The following KLHL8 variants were observed in gnomAD, a reference collection of about 807,000 sequenced individuals.
KLHL8 encodes kelch like family member 8, also known as kelch-like protein 8.
In KLHL8, 38 loss-of-function variants were observed where a neutral mutation model predicts 63.5. That is an observed-to-expected ratio of 0.60 (90% CI 0.46 to 0.78). The LOEUF (loss-of-function observed/expected upper bound fraction) is 0.78, where lower values mean the gene tolerates loss of function less well. KLHL8 is among the 30% of genes least tolerant of loss of function. The pLI, the probability that KLHL8 is intolerant of heterozygous loss-of-function variation, is 0.00. For missense variants in KLHL8, 566 were observed against 752.4 expected (o/e 0.75, Z 2.90); for synonymous variants, 224 against 254.3 (o/e 0.88, Z 1.13).
At chr4:87,214,175 A>G (rs978186468) in intron 1 of KLHL8, among the ~76,000 whole-genome samples, 4 of 151,154 alleles carry the variant, frequency 2.6e-5, no homozygotes, top group African/African-American at 9.7e-5. Context: ...ATTATTAGGA[A>G]CCCACTATAG....
intron 1 of KLHL8, among the ~76,000 whole-genome samples, chr4:87,214,460 A>ATATATATATATATATATAT (rs1732523462): frequency 7.9e-5 from 10 of 126,070 alleles, no homozygotes; most frequent in South Asian, 2.6e-4. Context: ...ATATATATAT[A>ATATATATATATATATATAT]ATTGTCATCA....
rs1730172292 is a variant in KLHL8, at chr4:87,161,521, C to G, written c.*1998G>C. 6.6e-6 allele frequency: 1 copy of G among 152,110 alleles called. No individual in the cohort carries two copies. The highest frequency in any genetic ancestry group is 1.5e-5 in the Non-Finnish European group (1 of 68,020). The allele number at this position is 152,110 out of a possible 1,614,324, so 9.4% of individuals were successfully genotyped here. A position where few individuals can be genotyped will look rare whatever the true frequency, so the allele number is the denominator to read the frequency against. ...ATATAATAACCCTTATAACTCCTTA[C>G]ATATAAGAAAGACAGAAATACATCA... On this transcript the variant is annotated 3_prime_UTR_variant, in exon 10 of 10. Coordinates refer to ENST00000273963, the MANE Select transcript of KLHL8 (RefSeq NM_020803.5).
Position 87,215,090 on chromosome 4 carries a change from C to T in KLHL8, c.-152+5328G>A, listed in dbSNP as rs907789613. On this transcript the variant is annotated intron_variant, in intron 1 of 9. Transcript: ENST00000273963. ...CTGGAATTATAGGCGTGAGCCACCC[C>T]GCTCGGCCAGAATTTTTTAAGGTTT... is the stretch of plus-strand genomic sequence containing the variant. Among the ~76,000 whole-genome samples, 4 of 152,266 alleles carry T rather than the reference C, an allele frequency of 2.6e-5. No homozygotes were observed. The East Asian group carries it at 5.8e-4, about 22-fold the overall frequency.
At chr4:87,183,631 G>A (rs1731138747) in intron 3 of KLHL8, among the ~76,000 whole-genome samples, 1 of 152,112 alleles carries the variant, frequency 6.6e-6, no homozygotes, top group Admixed American at 6.6e-5. Context: ...CAGACTACAC[G>A]TTAAATTATA....
chr4:87,163,692 C>T lies in KLHL8; in HGVS notation c.1740-50G>A, dbSNP rs762678798. 6.9e-6 allele frequency: 11 copies of T among 1,605,362 alleles called. No individual in the cohort carries two copies. In the East Asian group the frequency reaches 1.8e-4, roughly 26 times the overall value. On this transcript the variant is annotated intron_variant, in intron 9 of 9. Transcript: ENST00000273963. ...GTTACAAAGCATAATTTACTTTACTCAAAATACTAACCAAAGACAAAAATT... is the reference window on the plus strand; with the variant it reads ...GTTACAAAGCATAATTTACTTTACTTAAAATACTAACCAAAGACAAAAATT...
chr4:87,185,927 C>A (rs1474807601), intron 2 of KLHL8, 128 bp from the exon 3 acceptor site: 4 of 730,616 alleles, frequency 5.5e-6, no homozygotes, highest in African/African-American at 5.3e-5. Context: ...TAAGGCGATC[C>A]TTTGATCACT....
chr4:87,233,032 A>G lies in KLHL8; in HGVS notation n.57+7226T>C, dbSNP rs544200487. Among the ~76,000 whole-genome samples, 10 of 151,704 alleles carry G rather than the reference A, an allele frequency of 6.6e-5. No homozygotes were observed. In the South Asian group the frequency reaches 1.2e-3, roughly 19 times the overall value. ...TATCTTTTGATAATCTTGCTTTCCA[A>G]TGGTATCTTTTTATTTTTCTTTTTT... On this transcript the variant is annotated intron_variant and non_coding_transcript_variant, in intron 1 of 1. Transcript: ENST00000506274.
At chr4:87,210,851 G>A (rs1290811056) in intron 1 of KLHL8, among the ~76,000 whole-genome samples, 4 of 152,108 alleles carry the variant, frequency 2.6e-5, no homozygotes, top group Admixed American at 1.3e-4. Flanking sequence ...ATCTGCTCAG[G>A]AAGGCCATCC....
chr4:87,212,907 G>A (rs879245548), intron 1 of KLHL8, among the ~76,000 whole-genome samples: 2 of 152,280 alleles, frequency 1.3e-5, no homozygotes, highest in South Asian at 2.1e-4. Flanking sequence ...ACTCTATGAC[G>A]TTTGCACAAT....
At chr4:87,205,133 A>C (rs968830216) in intron 1 of KLHL8, among the ~76,000 whole-genome samples, 2 of 152,260 alleles carry the variant, frequency 1.3e-5, no homozygotes, top group African/African-American at 2.4e-5. Flanking sequence ...CTGGCCAGAC[A>C]CAATGGCACA....
At chr4:87,201,878 G>A (rs535890786) in intron 1 of KLHL8, among the ~76,000 whole-genome samples, 4 of 152,192 alleles carry the variant, frequency 2.6e-5, no homozygotes, top group African/African-American at 9.6e-5. Flanking sequence ...AAAATTTGTA[G>A]GCTACAGGTA....
upstream of KLHL8, among the ~76,000 whole-genome samples, chr4:87,223,125 G>GTTTGTTTTGTTTTGTTTTGTTTTGT (rs397817772): frequency 1.4e-3 from 210 of 147,830 alleles, 3 homozygotes; most frequent in Admixed American, 4.6e-3. Flanking sequence ...TAATTTTTTT[G>GTTTGTTTTGTTTTGTTTTGTTTTGT]TTTGTTTTGT....
At chr4:87,208,104 A>G (rs1578395938) in intron 1 of KLHL8, 1 of 509,886 alleles carries the variant, frequency 2.0e-6, no homozygotes, top group East Asian at 4.6e-5. Flanking sequence ...CCACCAGACC[A>G]CCAGCCCCAG....
chr4:87,205,034 G>T (rs192516414), intron 1 of KLHL8, among the ~76,000 whole-genome samples: 340 of 152,196 alleles, frequency 2.2e-3, no homozygotes, highest in Non-Finnish European at 4.2e-3. Flanking sequence ...ACATACTCAG[G>T]ATAAAACTCA....
intron 1 of KLHL8, 115 bp downstream of exon 1, chr4:87,220,303 T>A (rs1176331903): frequency 6.6e-6 from 1 of 152,472 alleles, no homozygotes; most frequent in Non-Finnish European, 1.5e-5. Flanking sequence ...CGGGACGGTG[T>A]TGCGACTTGG....
intron 1 of KLHL8, among the ~76,000 whole-genome samples, chr4:87,210,444 G>A (rs1732358279): frequency 6.6e-6 from 1 of 152,092 alleles, no homozygotes; most frequent in Non-Finnish European, 1.5e-5. Flanking sequence ...TCACACCACT[G>A]CACTCCAGCC....
At chr4:87,187,917 GAACT>G (rs1475529122) in intron 2 of KLHL8, among the ~76,000 whole-genome samples, 8 of 152,084 alleles carry the variant, frequency 5.3e-5, no homozygotes, top group Non-Finnish European at 1.2e-4. Context: ...CATTATTTGA[GAACT>G]AATTTTAAAA....
In KLHL8 at chr4:87,163,380, A is replaced by T; in HGVS notation, c.*139T>A. 1.3e-6 allele frequency: 1 copy of T among 755,734 alleles called. No homozygotes were observed. The highest frequency in any genetic ancestry group is 2.1e-6 in the Non-Finnish European group (1 of 487,092). 46.8% of individuals were successfully genotyped at this position (755,734 alleles called of 1,614,324 possible). A position where few individuals can be genotyped will look rare whatever the true frequency, so the allele number is the denominator to read the frequency against. On this transcript the variant is annotated 3_prime_UTR_variant, in exon 10 of 10. Transcript: ENST00000273963. ...CTTCAGGTATCATTCCAAAAGTTGT[A>T]CTTAGTCACAATACAACAGTTAACA...
chr4:87,163,435 G>T lies in KLHL8; in HGVS notation c.*84C>A. ...AATAAGACTCTAGTTGCAGTAAAAA[G>T]TGTTGAAAGGTGGTCATATCAAAAT... On this transcript the variant is annotated 3_prime_UTR_variant, in exon 10 of 10. Coordinates refer to ENST00000273963, the MANE Select transcript of KLHL8 (RefSeq NM_020803.5). The T allele has an allele frequency of 7.2e-7, 1 of 1,379,790 alleles. No homozygotes were observed. The highest frequency in any genetic ancestry group is 1.0e-6 in the Non-Finnish European group (1 of 999,310). 85.5% of individuals were successfully genotyped at this position (1,379,790 alleles called of 1,614,324 possible). A position where few individuals can be genotyped will look rare whatever the true frequency, so the allele number is the denominator to read the frequency against.
Sources: allele counts gnomAD v4.1 joint callset (sites outside exome capture counted in the v4.1 genomes callset), GRCh38; gene constraint gnomAD v4.1.1; transcripts MANE v1.5; gene names NCBI Gene and HGNC (gene_info 2026-07-23, HGNC 2026-07-21).